The following CHD3 variants were observed in gnomAD, a reference collection of about 807,000 sequenced individuals.
CHD3 encodes chromodomain helicase DNA binding protein 3.
Under a neutral mutation model 248.9 loss-of-function variants are expected in CHD3, and 52 were observed. That is an observed-to-expected ratio of 0.21 (90% confidence interval 0.17 to 0.26). The LOEUF (loss-of-function observed/expected upper bound fraction) is 0.26, where lower values mean the gene tolerates loss of function less well. CHD3 is among the 10% of genes least tolerant of loss of function. The probability of loss-of-function intolerance (pLI) is 1.00; values close to 1 mark genes in which losing one functional copy is unlikely to be tolerated. For synonymous variants in CHD3, 985 were observed against 985.2 expected, an observed-to-expected ratio of 1.00 and a Z score of 0.00; for missense variants, 1,482 against 2,605.8, an observed-to-expected ratio of 0.57 and a Z score of 9.39.
Position 7,889,161 on chromosome 17 carries a change from C to A in CHD3, c.100+61C>A. Reference sequence around the variant, plus strand: ...TCTTGGCAAAAGGATGTCAGGGCCCCAGGGTGTTAGTGTGAGAACCCAGGT... The same window carrying A: ...TCTTGGCAAAAGGATGTCAGGGCCCAAGGGTGTTAGTGTGAGAACCCAGGT... On this transcript the variant is annotated intron_variant, in intron 1 of 39. Transcript: ENST00000330494. This position sits in a 1 kb window ranked among gnomAD's most constrained non-coding sequence, Gnocchi z 4.5. 4 of 1,608,772 alleles carry A rather than the reference C, an allele frequency of 2.5e-6. No homozygotes were observed. Among genetic ancestry groups the A allele is most frequent in the Non-Finnish European group, 2.6e-6 (3 of 1,176,180 alleles).
upstream of CHD3, among the ~76,000 whole-genome samples, chr17:7,888,444 T>C (rs181706448): frequency 6.6e-6 from 1 of 152,300 alleles, no homozygotes; most frequent in East Asian, 1.9e-4. Context: ...CCTCTCTCTG[T>C]ACTAGACAGG....
chr17:7,895,015 G>A lies in CHD3; in HGVS notation c.1368G>A (p.Met456Ile). 1 of 1,614,156 alleles carries A rather than the reference G, an allele frequency of 6.2e-7. No individual in the cohort carries two copies. The highest frequency in any genetic ancestry group is 8.5e-7 in the Non-Finnish European group (1 of 1,180,000). ...EGEKEEEDDH[M>I]EYCRVCKDGG... Reference sequence around the variant, plus strand: ...AGAAGGAGGAGGAGGATGATCACATGGAGTACTGCCGCGTATGCAAGGACG... The same window carrying A: ...AGAAGGAGGAGGAGGATGATCACATAGAGTACTGCCGCGTATGCAAGGACG... The change falls in exon 9 of 40, where the codon ATG becomes ATA. Residue 456 changes from methionine to isoleucine, a missense_variant. Met to Ile is a conservative substitution (Grantham distance 10). This residue lies in a region of CHD3 where 138 missense variants were observed against 241.1 expected (regional missense o/e 0.57). Coordinates refer to ENST00000330494, the MANE Select transcript of CHD3 (RefSeq NM_001005273.3). The surrounding 1 kb of genome is among the most constrained non-coding windows in gnomAD (Gnocchi z 4.9).
rs1333434304 is a variant in CHD3, at chr17:7,905,310, T to C, written c.4138+145T>C. On this transcript the variant is annotated intron_variant, in intron 26 of 39. Coordinates refer to ENST00000330494, the MANE Select transcript of CHD3 (RefSeq NM_001005273.3). The surrounding 1 kb of genome is among the most constrained non-coding windows in gnomAD (Gnocchi z 5.8). ...GCAGATGAGCAGAAAGGAAGAAATA[T>C]TCATAGTCTCTCTGCTAGTAAACTT... 7 of 749,362 alleles carry C rather than the reference T, an allele frequency of 9.3e-6. No individual in the cohort carries two copies. Among genetic ancestry groups the C allele is most frequent in the East Asian group, 5.4e-5 (2 of 37,208 alleles). The allele number at this position is 749,362 out of a possible 1,614,324, so 46.4% of individuals were successfully genotyped here.
Position 7,906,805 on chromosome 17 carries a change from A to ACTGGAGCTTCCTGTCTGTAAGCGC in CHD3, c.4504-55_4504-32dup. ...CTTGCGCTGGTGTGAGACGGAGGAG[A>ACTGGAGCTTCCTGTCTGTAAGCGC]CTGGAGCTTCCTGTCTGTAAGCGCC... is the stretch of plus-strand genomic sequence containing the variant. On this transcript the variant is annotated intron_variant, in intron 29 of 39. Coordinates refer to ENST00000330494, the MANE Select transcript of CHD3 (RefSeq NM_001005273.3). This position sits in a 1 kb window ranked among gnomAD's most constrained non-coding sequence, Gnocchi z 5.0. 2 of 1,602,744 alleles carry ACTGGAGCTTCCTGTCTGTAAGCGC rather than the reference A, an allele frequency of 1.2e-6. No homozygotes were observed. The highest frequency in any genetic ancestry group is 1.7e-6 in the Non-Finnish European group (2 of 1,173,256).
Position 7,899,583 on chromosome 17 carries a change from C to T in CHD3, c.2544+40C>T, listed in dbSNP as rs761445019. The T allele has an allele frequency of 6.3e-7, 1 of 1,576,396 alleles. No homozygotes were observed. The highest frequency in any genetic ancestry group is 1.1e-5 in the South Asian group (1 of 89,948). ...CTCATATCCTCTGAGACCCTCAAAGCTGTCACTTCTTTTTCTCAGCCAGGA... is the reference window on the plus strand; with the variant it reads ...CTCATATCCTCTGAGACCCTCAAAGTTGTCACTTCTTTTTCTCAGCCAGGA... On this transcript the variant is annotated intron_variant, in intron 15 of 39. Coordinates refer to ENST00000330494, the MANE Select transcript of CHD3 (RefSeq NM_001005273.3). The surrounding 1 kb of genome is among the most constrained non-coding windows in gnomAD (Gnocchi z 6.8).
chr17:7,902,742 C>G lies in CHD3; in HGVS notation c.3370+15C>G. On this transcript the variant is annotated intron_variant, in intron 21 of 39. Transcript: ENST00000330494. ...TCGGTTTAATGGTGAGGGAGATACA[C>G]TGGTCCCTGGTGGGTGTGGGAGGCC... 6.2e-7 allele frequency: 1 copy of G among 1,607,130 alleles called. No individual in the cohort carries two copies. The highest frequency in any genetic ancestry group is 8.5e-7 in the Non-Finnish European group (1 of 1,174,078).
In CHD3 at chr17:7,890,927, C is replaced by A; in HGVS notation, c.385-13C>A. 1 of 1,613,844 alleles carries A rather than the reference C, an allele frequency of 6.2e-7. No homozygotes were observed. The highest frequency in any genetic ancestry group is 8.5e-7 in the Non-Finnish European group (1 of 1,179,954). ...GGAGGAGCACCTACTTCACCAAAGC[C>A]CCTCTCCCGCAGCAAGTGGAACAGA... is the stretch of plus-strand genomic sequence containing the variant. On this transcript the variant is annotated splice_polypyrimidine_tract_variant and intron_variant, in intron 3 of 39. Coordinates refer to ENST00000330494, the MANE Select transcript of CHD3 (RefSeq NM_001005273.3).
At position 7,897,852 on chromosome 17, in the gene CHD3, G is replaced by A; in HGVS notation, c.1920-119G>A. On this transcript the variant is annotated intron_variant, in intron 11 of 39. Coordinates refer to ENST00000330494, the MANE Select transcript of CHD3 (RefSeq NM_001005273.3). The surrounding 1 kb of genome is among the most constrained non-coding windows in gnomAD (Gnocchi z 4.8). ...ATCTCCCTTCCAGCAGCTCACTGTT[G>A]ACGGTTGGGTGACAAATTTTGTGTG... 9.0e-7 allele frequency: 1 copy of A among 1,113,994 alleles called. No homozygotes were observed. Among genetic ancestry groups the A allele is most frequent in the Non-Finnish European group, 1.3e-6 (1 of 773,616 alleles). The allele number at this position is 1,113,994 out of a possible 1,614,324, so 69.0% of individuals were successfully genotyped here.
In CHD3 at chr17:7,890,202, G is replaced by A. The variant is rs148393036; in HGVS notation, c.214-369G>A. ...TCCCAGCACTTTGGGAGGCTGAGCCGGGTAGATCATTTGAGGTCAGGAGTT... is the reference window on the plus strand; with the variant it reads ...TCCCAGCACTTTGGGAGGCTGAGCCAGGTAGATCATTTGAGGTCAGGAGTT... On this transcript the variant is annotated intron_variant, in intron 2 of 39. Transcript: ENST00000330494. 7.2e-3 allele frequency among the ~76,000 whole-genome samples: 1,101 copies of A among 152,254 alleles called. 20 individuals carry two copies. The highest frequency in any genetic ancestry group is 0.024 in the African/African-American group (997 of 41,536).
chr17:7,898,933 C>A, intron 13 of CHD3, 78 bp from the exon 14 acceptor site: 1 of 1,268,634 alleles, frequency 7.9e-7, no homozygotes, highest in Non-Finnish European at 1.1e-6. Flanking sequence ...ACTTGGTATC[C>A]ATGCCAGGGA....
chr17:7,899,241 TG>T lies in CHD3; in HGVS notation c.2343+43del. The T allele has an allele frequency of 6.2e-7, 1 of 1,603,264 alleles. No homozygotes were observed. The highest frequency in any genetic ancestry group is 8.5e-7 in the Non-Finnish European group (1 of 1,171,364). ...GGACCTTGAAGGGGACCGCCTGGAC[TG>T]GGGAAGTGGGGAGGGGGAAGATAAA... On this transcript the variant is annotated intron_variant, in intron 14 of 39. Coordinates refer to ENST00000330494, the MANE Select transcript of CHD3 (RefSeq NM_001005273.3). This position sits in a 1 kb window ranked among gnomAD's most constrained non-coding sequence, Gnocchi z 6.8.
chr17:7,904,657 A>C lies in CHD3; in HGVS notation c.4072+38A>C, dbSNP rs148374688. The C allele has an allele frequency of 1.2e-5, 19 of 1,570,512 alleles. No individual in the cohort carries two copies. In the East Asian group the frequency reaches 4.1e-4, roughly 34 times the overall value. On this transcript the variant is annotated intron_variant, in intron 25 of 39. Transcript: ENST00000330494. This position sits in a 1 kb window ranked among gnomAD's most constrained non-coding sequence, Gnocchi z 4.4. The stretch of plus-strand genomic sequence containing the variant: ...CCAGATGCAGGCAGTAAAGGGGGGA[A>C]GTGATGATGAGTAGGGACTTGAAGG...
In CHD3 at chr17:7,900,792, G is replaced by A; in HGVS notation, c.2979-60G>A. The stretch of plus-strand genomic sequence containing the variant: ...GGGGATTGATGGGAGCGTTCCAAGT[G>A]CAATATCATAATTGCTTCCTTTATT... On this transcript the variant is annotated intron_variant, in intron 18 of 39. Transcript: ENST00000330494. The surrounding 1 kb of genome is among the most constrained non-coding windows in gnomAD (Gnocchi z 6.5). 1 of 1,610,556 alleles carries A rather than the reference G, an allele frequency of 6.2e-7. No homozygotes were observed. Among genetic ancestry groups the A allele is most frequent in the Non-Finnish European group, 8.5e-7 (1 of 1,177,296 alleles).
chr17:7,885,054 T>TGCCCCCGCCGCCGCC (rs1199030865), upstream of CHD3: 79 of 976,316 alleles, frequency 8.1e-5, no homozygotes, highest in African/African-American at 5.9e-4. Flanking sequence ...CCGCCACCGC[T>TGCCCCCGCCGCCGCC]GCCCCCGCCG....
Position 7,911,448 on chromosome 17 carries a change from C to T in CHD3, c.5882-16C>T. On this transcript the variant is annotated splice_polypyrimidine_tract_variant and intron_variant, in intron 39 of 39. Coordinates refer to ENST00000330494, the MANE Select transcript of CHD3 (RefSeq NM_001005273.3). The surrounding 1 kb of genome is among the most constrained non-coding windows in gnomAD (Gnocchi z 5.4). ...TGATCTGGAGATTGATCTTTCCTTACCCCTTTCCCAAACAGCCGCCACCAA... is the reference window on the plus strand; with the variant it reads ...TGATCTGGAGATTGATCTTTCCTTATCCCTTTCCCAAACAGCCGCCACCAA... 1 of 1,614,106 alleles carries T rather than the reference C, an allele frequency of 6.2e-7. No individual in the cohort carries two copies. The highest frequency in any genetic ancestry group is 2.2e-5 in the East Asian group (1 of 44,874).
Position 7,905,254 on chromosome 17 carries a change from A to T in CHD3, c.4138+89A>T, listed in dbSNP as rs1179395687. The stretch of plus-strand genomic sequence containing the variant: ...CCCACTGTTTTTATACAAGTAAAAA[A>T]GTCTTCGTGTGTGTGTGGAAAAACT... On this transcript the variant is annotated intron_variant, in intron 26 of 39. Coordinates refer to ENST00000330494, the MANE Select transcript of CHD3 (RefSeq NM_001005273.3). The surrounding 1 kb of genome is among the most constrained non-coding windows in gnomAD (Gnocchi z 5.8). 1.6e-6 allele frequency: 2 copies of T among 1,245,586 alleles called. No homozygotes were observed. Among genetic ancestry groups the T allele is most frequent in the East Asian group, 2.3e-5 (1 of 42,620 alleles). 77.2% of individuals were successfully genotyped at this position (1,245,586 alleles called of 1,614,324 possible).
At position 7,907,880 on chromosome 17, in the gene CHD3, G is replaced by T; in HGVS notation, c.5027-14G>T. On this transcript the variant is annotated splice_polypyrimidine_tract_variant and intron_variant, in intron 33 of 39. Transcript: ENST00000330494. This position sits in a 1 kb window ranked among gnomAD's most constrained non-coding sequence, Gnocchi z 4.3. ...TGTCCTGAGGTGTGAGCTTTGACCTGTCTGTCCTAGCAGAAGATGTAAAAG... is the reference window on the plus strand; with the variant it reads ...TGTCCTGAGGTGTGAGCTTTGACCTTTCTGTCCTAGCAGAAGATGTAAAAG... The T allele has an allele frequency of 6.2e-7, 1 of 1,607,802 alleles. No homozygotes were observed. Among genetic ancestry groups the T allele is most frequent in the Non-Finnish European group, 8.5e-7 (1 of 1,175,618 alleles).
In CHD3 at chr17:7,907,928, G is replaced by T; in HGVS notation, c.5061G>T (p.Gly1687=). 1 of 1,612,936 alleles carries T rather than the reference G, an allele frequency of 6.2e-7. No individual in the cohort carries two copies. The highest frequency in any genetic ancestry group is 8.5e-7 in the Non-Finnish European group (1 of 1,179,138). The change falls in exon 34 of 40, where the codon GGG becomes GGT. Residue 1687 remains glycine (G), a synonymous_variant. Transcript: ENST00000330494. This position sits in a 1 kb window ranked among gnomAD's most constrained non-coding sequence, Gnocchi z 4.3. ...AAGGTGACCGGGAGCTTCGACCAGG[G>T]CCTCGAGATGAGCCACGGTCCAATG... The part of the protein sequence containing the change: ...DVKGDRELRP[G]PRDEPRSNGR...
rs1440159955 is a variant in CHD3, at chr17:7,903,364, A to G, written c.3588A>G (p.Gln1196=). The G allele has an allele frequency of 3.1e-6, 5 of 1,614,200 alleles. No individual in the cohort carries two copies. The Admixed American group carries it at 5.0e-5, about 16-fold the overall frequency. ...CGTCAGTGGAAGAGCGAATCACACA[A>G]GTGGCCAAGAGAAAGATGATGCTGA... ...TRASVEERIT[Q]VAKRKMMLTH... is the part of the protein sequence containing the mutation. Residue 1196 remains glutamine (Q), a synonymous_variant, in exon 23 of 40, where the codon CAA becomes CAG. Coordinates refer to ENST00000330494, the MANE Select transcript of CHD3 (RefSeq NM_001005273.3). This position sits in a 1 kb window ranked among gnomAD's most constrained non-coding sequence, Gnocchi z 6.8.
Sources: allele counts gnomAD v4.1 joint callset (sites outside exome capture counted in the v4.1 genomes callset), GRCh38; gene constraint gnomAD v4.1.1; regional missense constraint gnomAD v4.1.1; non-coding constraint Gnocchi (gnomAD v3.1); transcripts MANE v1.5; gene names NCBI Gene and HGNC (gene_info 2026-07-23, HGNC 2026-07-21).